The following JAKMIP3 variants were observed in gnomAD, a reference collection of about 807,000 sequenced individuals.
JAKMIP3 encodes the protein Janus kinase and microtubule interacting protein 3.
Under a neutral mutation model 118.5 loss-of-function variants are expected in JAKMIP3, and 58 were observed. The ratio of observed to expected loss-of-function variants is 0.49; its 90% CI spans 0.40 to 0.61. JAKMIP3 has a LOEUF of 0.61. Among genes scored for constraint, JAKMIP3 ranks in the 20% least tolerant of loss-of-function variants. The pLI is 0.00. For synonymous variants in JAKMIP3, 486 were observed against 451.2 expected, an observed-to-expected ratio of 1.08 and a Z score of -0.98; for missense variants, 950 against 1,109.0, an observed-to-expected ratio of 0.86 and a Z score of 2.04.
chr10:132,160,995 TGGGGGGGGCC>T (rs2058143712), intron 19 of JAKMIP3, among the ~76,000 whole-genome samples: 3 of 2,542 alleles, frequency 1.2e-3, no homozygotes, highest in African/African-American at 3.9e-3. Flanking sequence ...TGTGTGATGC[TGGGGGGGGCC>T]TCTCACTGTG....
intron 1 of JAKMIP3, among the ~76,000 whole-genome samples, chr10:132,081,636 C>T (rs1488943796): frequency 1.3e-5 from 2 of 152,160 alleles, no homozygotes; most frequent in Non-Finnish European, 2.9e-5. Flanking sequence ...CTGCCTTCAT[C>T]GTCACGGTTG....
At chr10:132,175,220 A>G (rs774338516) in intron 23 of JAKMIP3, among the ~76,000 whole-genome samples, 2 of 152,320 alleles carry the variant, frequency 1.3e-5, no homozygotes, top group South Asian at 4.1e-4. Flanking sequence ...TTCCTTCTAG[A>G]ATCTGTGGTT....
intron 23 of JAKMIP3, among the ~76,000 whole-genome samples, chr10:132,170,679 G>A (rs2059406358): frequency 6.6e-6 from 1 of 152,200 alleles, no homozygotes; most frequent in Non-Finnish European, 1.5e-5. Context: ...GGGTAGACAG[G>A]CCACACCGTC....
chr10:132,180,620 T>TGC (rs1446423696), intron 23 of JAKMIP3, among the ~76,000 whole-genome samples: 11 of 41,214 alleles, frequency 2.7e-4, no homozygotes, highest in East Asian at 2.9e-3. Context: ...TGTGTGCGTG[T>TGC]GTGTGCGTGT....
chr10:132,146,957 C>G (rs987547575), intron 13 of JAKMIP3, among the ~76,000 whole-genome samples: 2 of 152,260 alleles, frequency 1.3e-5, no homozygotes, highest in Non-Finnish European at 2.9e-5. Flanking sequence ...TGCGTGCACA[C>G]TTGAACACGC....
chr10:132,159,566 G>GA (rs1399540703), intron 19 of JAKMIP3, among the ~76,000 whole-genome samples: 2 of 133,924 alleles, frequency 1.5e-5, no homozygotes, highest in African/African-American at 2.9e-5. Context: ...GATGCTGGGG[G>GA]GGCGTGTCTC....
At chr10:132,173,286 C>T (rs1163660730) in intron 23 of JAKMIP3, among the ~76,000 whole-genome samples, 1 of 143,484 alleles carries the variant, frequency 7.0e-6, no homozygotes, top group Non-Finnish European at 1.5e-5. Context: ...CCTCCAATTC[C>T]AGGCCAATGG....
intron 1 of JAKMIP3, among the ~76,000 whole-genome samples, chr10:132,103,443 AGAGGAGCAGCTG>A (rs2045375011): frequency 3.7e-5 from 1 of 26,810 alleles, no homozygotes. Flanking sequence ...CACCTGGGGG[AGAGGAGCAGCTG>A]GGGGGGGGAG....
intron 2 of JAKMIP3, among the ~76,000 whole-genome samples, chr10:132,110,601 G>T (rs919239663): frequency 6.6e-6 from 1 of 152,246 alleles, no homozygotes; most frequent in South Asian, 2.1e-4. Flanking sequence ...GTGATTTTCA[G>T]GGTAAAGAAG....
rs2061634656 is a variant in JAKMIP3, at chr10:132,183,446, A to G, written c.*2193A>G. 6.6e-6 allele frequency: 1 copy of G among 152,178 alleles called. No homozygotes were observed. The highest frequency in any genetic ancestry group is 6.5e-5 in the Admixed American group (1 of 15,282). 9.4% of individuals were successfully genotyped at this position (152,178 alleles called of 1,614,324 possible). A position where few individuals can be genotyped will look rare whatever the true frequency, so the allele number is the denominator to read the frequency against. On this transcript the variant is annotated 3_prime_UTR_variant, in exon 24 of 24. Transcript: ENST00000684848. ...CATCATGGTTTAGCATGTTGTATAT[A>G]TGTCTGGAGCACTTCATACACCTCT...
Position 132,127,325 on chromosome 10 carries a change from C to G in JAKMIP3, c.634-5987C>G, listed in dbSNP as rs538685464. 1.6e-3 allele frequency among the ~76,000 whole-genome samples: 234 copies of G among 150,694 alleles called. 15 individuals are homozygous for G. In the South Asian group the frequency reaches 0.047, roughly 30 times the overall value. Reference sequence around the variant, plus strand: ...TGCAACTCTGCCTCCTGGGTTCAAGCGATTCTCCTGCCTCAGCCTCCCAAG... The same window carrying G: ...TGCAACTCTGCCTCCTGGGTTCAAGGGATTCTCCTGCCTCAGCCTCCCAAG... On this transcript the variant is annotated intron_variant, in intron 3 of 23. Transcript: ENST00000684848.
At chr10:132,103,261 A>G (rs887762971) in intron 1 of JAKMIP3, among the ~76,000 whole-genome samples, 14 of 151,796 alleles carry the variant, frequency 9.2e-5, no homozygotes, top group Admixed American at 2.0e-4. Flanking sequence ...GAGGAGCCCA[A>G]TGGACCTGTT....
In JAKMIP3 at chr10:132,153,744, T is replaced by A; in HGVS notation, c.2074-15T>A. On this transcript the variant is annotated splice_polypyrimidine_tract_variant and intron_variant, in intron 17 of 23. Coordinates refer to ENST00000684848, the MANE Select transcript of JAKMIP3 (RefSeq NM_001323087.2). ...CCCTAGGGGTCACTGTCCTGCTTGT[T>A]CTGTTTGTGTCCAGTGGCTCCAGCA... 6.2e-7 allele frequency: 1 copy of A among 1,612,870 alleles called. No individual in the cohort carries two copies.
chr10:132,175,474 G>A (rs576066145), intron 23 of JAKMIP3, among the ~76,000 whole-genome samples: 8 of 152,180 alleles, frequency 5.3e-5, no homozygotes, highest in Non-Finnish European at 1.2e-4. Flanking sequence ...TGGGAAAGCA[G>A]GGATGCTGGT....
chr10:132,148,480 C>T (rs1426185159), intron 14 of JAKMIP3, among the ~76,000 whole-genome samples: 3 of 96,080 alleles, frequency 3.1e-5, no homozygotes, highest in Non-Finnish European at 4.9e-5. Context: ...GCCCGTCCTC[C>T]ATCCACCCCC....
chr10:132,085,242 C>T (rs966112632), intron 1 of JAKMIP3, among the ~76,000 whole-genome samples: 1 of 152,134 alleles, frequency 6.6e-6, no homozygotes, highest in East Asian at 1.9e-4. Flanking sequence ...ATTTCAGTCT[C>T]GCTGCCTGTT....
chr10:132,172,512 CCCTT>C (rs374325090), intron 23 of JAKMIP3, among the ~76,000 whole-genome samples: 4 of 152,172 alleles, frequency 2.6e-5, no homozygotes, highest in African/African-American at 9.6e-5. Flanking sequence ...CGTGCTCTCC[CCCTT>C]CCTTCTATTT....
chr10:132,107,247 C>T (rs1423803087), intron 2 of JAKMIP3, among the ~76,000 whole-genome samples: 2 of 152,190 alleles, frequency 1.3e-5, no homozygotes, highest in South Asian at 2.1e-4. Flanking sequence ...CAGGTTTAGT[C>T]CCCAGTTCTC....
intron 1 of JAKMIP3, among the ~76,000 whole-genome samples, chr10:132,052,028 C>A (rs1160804303): frequency 6.6e-6 from 1 of 152,194 alleles, no homozygotes; most frequent in African/African-American, 2.4e-5. Flanking sequence ...TTGAAACCAG[C>A]CTGGGCAACA....
Sources: gnomAD v4.1 joint callset for allele counts (sites outside exome capture counted in the v4.1 genomes callset) on GRCh38, gnomAD v4.1.1 for gene constraint, MANE v1.5 for transcripts, NCBI Gene and HGNC (gene_info 2026-07-23, HGNC 2026-07-21) for gene names.